The following NCOR1 variants were observed in gnomAD, a reference collection of about 807,000 sequenced individuals.
NCOR1 encodes the protein protein phosphatase 1, regulatory subunit 109.
Under a neutral mutation model 288.1 loss-of-function variants are expected in NCOR1, and 63 were observed. The ratio of observed to expected loss-of-function variants is 0.22; its 90% confidence interval spans 0.18 to 0.27. The LOEUF is 0.27. NCOR1 is among the 10% of genes least tolerant of loss of function. The pLI, the probability that NCOR1 is intolerant of heterozygous loss-of-function variation, is 1.00. For missense variants in NCOR1, 2,397 were observed against 3,019.2 expected (o/e 0.79, Z 4.83); for synonymous variants, 1,007 against 1,065.9 (o/e 0.94, Z 1.08).
At chr17:16,049,106 T>C in intron 40 of NCOR1, 118 bp from the exon 41 acceptor site, 1 of 1,135,864 alleles carries the variant, frequency 8.8e-7, no homozygotes, top group South Asian at 1.9e-5. Context: ...TGCCAATTTC[T>C]ATCAGAAAAA....
chr17:16,114,782 G>C (rs560712001), intron 18 of NCOR1, among the ~76,000 whole-genome samples: 4 of 152,362 alleles, frequency 2.6e-5, no homozygotes, highest in African/African-American at 9.6e-5. Context: ...GCTTTGCAGG[G>C]AACAGCCTCC....
At chr17:16,090,186 AT>A (rs1265898438) in intron 22 of NCOR1, among the ~76,000 whole-genome samples, 4 of 152,164 alleles carry the variant, frequency 2.6e-5, no homozygotes, top group African/African-American at 7.2e-5. Context: ...AATAAAAGAT[AT>A]TGAGGCTTTA....
chr17:16,120,949 T>C (rs2072883741), intron 16 of NCOR1, 103 bp downstream of exon 16: 1 of 1,081,980 alleles, frequency 9.2e-7, no homozygotes, highest in South Asian at 1.7e-5. Context: ...TTCAGGATTA[T>C]TTCTAGGTTG....
chr17:16,176,882 G>A (rs2153483247), intron 3 of NCOR1, among the ~76,000 whole-genome samples: 1 of 151,944 alleles, frequency 6.6e-6, no homozygotes, highest in African/African-American at 2.4e-5. Context: ...AATTTTCCTG[G>A]AACAAGATAT....
At chr17:16,122,315 T>C (rs2073169192) in intron 15 of NCOR1, among the ~76,000 whole-genome samples, 2 of 152,222 alleles carry the variant, frequency 1.3e-5, no homozygotes, top group South Asian at 4.1e-4. Context: ...CTGATTTTTT[T>C]CAAAAATAAT....
chr17:16,143,780 T>C (rs1341915579), intron 10 of NCOR1, 84 bp from the exon 11 acceptor site: 1 of 994,212 alleles, frequency 1.0e-6, no homozygotes, highest in African/African-American at 1.6e-5. Context: ...ATTACTTTTC[T>C]GAATGGAACT....
chr17:16,060,657 T>G (rs573721679), intron 37 of NCOR1, among the ~76,000 whole-genome samples: 2 of 152,284 alleles, frequency 1.3e-5, no homozygotes, highest in Admixed American at 1.3e-4. Context: ...TTCTGGAGCA[T>G]GAGAAATCAT....
intron 44 of NCOR1, among the ~76,000 whole-genome samples, chr17:16,037,054 C>A (rs1471082754): frequency 6.6e-6 from 1 of 152,172 alleles, no homozygotes; most frequent in Non-Finnish European, 1.5e-5. Flanking sequence ...TTCACTTGAA[C>A]ACTTAGAAGC....
intron 42 of NCOR1, among the ~76,000 whole-genome samples, chr17:16,042,812 T>A (rs557617613): frequency 6.6e-6 from 1 of 152,246 alleles, no homozygotes; most frequent in South Asian, 2.1e-4. Flanking sequence ...ATTTTAGATA[T>A]TTAAGGAGCC....
chr17:16,073,292 A>G, intron 28 of NCOR1, 137 bp downstream of exon 28: 1 of 742,526 alleles, frequency 1.3e-6, no homozygotes, highest in Non-Finnish European at 2.0e-6. Context: ...TGGAAATGAC[A>G]GAAATTGCAT....
intron 6 of NCOR1, among the ~76,000 whole-genome samples, chr17:16,155,288 T>C (rs990598652): frequency 2.0e-5 from 3 of 149,064 alleles, no homozygotes; most frequent in African/African-American, 5.0e-5. Context: ...GAGGTGGAGG[T>C]TGCAGTGAGC....
intron 5 of NCOR1, among the ~76,000 whole-genome samples, chr17:16,162,563 C>T (rs535208013): frequency 3.6e-4 from 54 of 151,522 alleles, no homozygotes; most frequent in African/African-American, 1.2e-3. Flanking sequence ...TCACACTATC[C>T]ATGAAAGAAT....
chr17:16,176,015 G>A (rs1446601908), intron 3 of NCOR1, among the ~76,000 whole-genome samples: 4 of 151,812 alleles, frequency 2.6e-5, no homozygotes, highest in Non-Finnish European at 5.9e-5. Flanking sequence ...TCAGGAGTTC[G>A]AGACCAGCCT....
intron 22 of NCOR1, 60 bp downstream of exon 22, chr17:16,091,803 T>C (rs2065223710): frequency 6.2e-7 from 1 of 1,609,426 alleles, no homozygotes; most frequent in Non-Finnish European, 8.5e-7. Flanking sequence ...GACACTGCTT[T>C]TGGGTTTAGC....
At chr17:16,122,481 C>T (rs922988904) in intron 15 of NCOR1, 2 of 152,204 alleles carry the variant, frequency 1.3e-5, no homozygotes, top group Non-Finnish European at 2.9e-5. Flanking sequence ...CAAATGACCT[C>T]TTCTCAATTT....
chr17:16,195,378 G>T (rs966277928), intron 1 of NCOR1, among the ~76,000 whole-genome samples: 5 of 152,094 alleles, frequency 3.3e-5, no homozygotes, highest in African/African-American at 1.2e-4. Context: ...GGCTGAGGCA[G>T]GAGAATCGCT....
chr17:16,154,846 A>C (rs2079459455), intron 6 of NCOR1, among the ~76,000 whole-genome samples: 1 of 152,202 alleles, frequency 6.6e-6, no homozygotes, highest in South Asian at 2.1e-4. Context: ...ATAAAGGTAG[A>C]GGAAAGAAGC....
rs1162667808 is a variant in NCOR1 at position 16,092,000 on chromosome 17, T to C, written c.2879A>G (p.Tyr960Cys). The C allele has an allele frequency of 1.9e-6, 3 of 1,614,224 alleles. No individual in the cohort carries two copies. The highest frequency in any genetic ancestry group is 2.2e-5 in the East Asian group (1 of 44,890). ...ATGCATTGCTTTAATGTGTCGCTGGTAGAGAGCATAGCCGCTCACTGGGGT... is the reference window on the plus strand; with the variant it reads ...ATGCATTGCTTTAATGTGTCGCTGGCAGAGAGCATAGCCGCTCACTGGGGT... Reference protein sequence around the residue: ...IGTPVSGYALYQRHIKAMHES... With the variant: ...IGTPVSGYALCQRHIKAMHES... The change falls in exon 22 of 46, where the codon TAC (tyrosine) becomes TGC (cysteine). Residue 960 changes from tyrosine to cysteine, a missense_variant. This residue lies in a region of NCOR1 where 1,872 missense variants were observed against 2,187.8 expected (regional missense o/e 0.86). Coordinates refer to ENST00000268712, the MANE Select transcript of NCOR1 (RefSeq NM_006311.4).
chr17:16,206,696 T>A (rs1339199378), intron 1 of NCOR1, among the ~76,000 whole-genome samples: 1 of 152,226 alleles, frequency 6.6e-6, no homozygotes, highest in Non-Finnish European at 1.5e-5. Flanking sequence ...AATTATGGTA[T>A]CTTCATGTAC....
Sources: gnomAD v4.1 joint callset for allele counts (sites outside exome capture counted in the v4.1 genomes callset) on GRCh38, gnomAD v4.1.1 for gene constraint, gnomAD v4.1.1 regional missense constraint, MANE v1.5 for transcripts, NCBI Gene and HGNC (gene_info 2026-07-23, HGNC 2026-07-21) for gene names.